Variants in SPTBN5 observed in about 807,000 individuals in gnomAD.
The protein encoded by SPTBN5 is spectrin beta chain, non-erythrocytic 5.
SPTBN5 carries 513 observed loss-of-function variants against 477.6 expected under a neutral mutation model. The ratio of observed to expected loss-of-function variants is 1.07; its 90% CI spans 1.00 to 1.16. The LOEUF is 1.16. Among genes scored for constraint, SPTBN5 ranks in the 50% most tolerant of loss-of-function variants. The pLI, the probability that SPTBN5 is intolerant of heterozygous loss-of-function variation, is 0.00. For synonymous variants in SPTBN5, 2,169 were observed against 2,011.7 expected (o/e 1.08, Z -2.09); for missense variants, 5,062 against 4,731.8 (o/e 1.07, Z -2.05).
At chr15:41,856,354 G>A in intron 53 of SPTBN5, 32 bp downstream of exon 53, 1 of 1,513,568 alleles carries the variant, frequency 6.6e-7, no homozygotes, top group Non-Finnish European at 8.9e-7. Flanking sequence ...TTCCAGGCTT[G>A]CCTGCTGTGC....
In SPTBN5 at chr15:41,862,826, C is replaced by T. The variant is rs369430770; in HGVS notation, c.7227G>A (p.Leu2409=). The part of the protein sequence containing the change: ...VQRLLRKHEE[L]EREVHPIQAQ... ...CCTGGATGGGGTGCACTTCCCGCTC[C>T]AGCTCCTCGTGTTTCCGCAGCAGCC... The change falls in exon 42 of 68, where the codon CTG becomes CTA. Residue 2409 remains leucine, a synonymous_variant. Transcript: ENST00000320955. 87 of 1,586,466 alleles carry T rather than the reference C, an allele frequency of 5.5e-5. No individual in the cohort carries two copies. The East Asian group carries it at 1.9e-3, about 35-fold the overall frequency.
At chr15:41,880,467 C>T (rs1165578598) in intron 13 of SPTBN5, among the ~76,000 whole-genome samples, 155 bp from the exon 14 acceptor site, 1 of 152,200 alleles carries the variant, frequency 6.6e-6, no homozygotes, top group African/African-American at 2.4e-5. Flanking sequence ...GGCCCCACAT[C>T]CTCTCTCAGA....
At position 41,878,588 on chromosome 15, in the gene SPTBN5, C is replaced by T. The variant is rs2140954674; in HGVS notation, c.3224G>A (p.Gly1075Glu). The T allele has an allele frequency of 6.2e-7, 1 of 1,612,764 alleles. No individual in the cohort carries two copies. Among genetic ancestry groups the T allele is most frequent in the Admixed American group, 1.7e-5 (1 of 59,982 alleles). The change falls in exon 17 of 68, where the codon GGA becomes GAA. Residue 1075 changes from glycine (G) to glutamate (E), a missense_variant. Physicochemically the swap from Gly to Glu is moderately conservative, Grantham distance 98. Transcript: ENST00000320955. ...CAGCCCCTGCAGTGTCTCCACCTGT[C>T]CTTGCAGAGGCTGGCTCTCTGCGTA... ...PGYAESQPLQ[G>E]QVETLQGLLK...
chr15:41,878,803 CAAGCCTGT>C (rs1248879345), intron 16 of SPTBN5, among the ~76,000 whole-genome samples, 174 bp from the exon 17 acceptor site: 1 of 152,238 alleles, frequency 6.6e-6, no homozygotes, highest in African/African-American at 2.4e-5. Context: ...TGCAGTGGCT[CAAGCCTGT>C]AATCCCAGCA....
In SPTBN5 at chr15:41,855,612, C is replaced by G. The variant is rs772658500; in HGVS notation, c.9155G>C (p.Ser3052Thr). Residue 3052 changes from serine to threonine, a missense_variant, in exon 54 of 68, where the codon AGC (serine) becomes ACC (threonine). Ser to Thr is a moderately conservative substitution (Grantham distance 58, BLOSUM62 1). Transcript: ENST00000320955. ...EATKRDLEAFSPRIERLQQTA... is the reference protein window; with the variant it reads ...EATKRDLEAFTPRIERLQQTA... ...CTGCTGCAGCCGCTCGATGCGTGGGCTGAACGCTTCCAGGTCTCTCTTGGT... is the reference window on the plus strand; with the variant it reads ...CTGCTGCAGCCGCTCGATGCGTGGGGTGAACGCTTCCAGGTCTCTCTTGGT... 1.2e-6 allele frequency: 2 copies of G among 1,611,316 alleles called. No individual in the cohort carries two copies. The highest frequency in any genetic ancestry group is 1.7e-6 in the Non-Finnish European group (2 of 1,179,698).
At chr15:41,866,698 GTGTGGCCCCTACTCC>G in intron 36 of SPTBN5, 2 of 749,562 alleles carry the variant, frequency 2.7e-6, no homozygotes, top group Non-Finnish European at 4.1e-6. Context: ...CGTTTTGGAG[GTGTGGCCCCTACTCC>G]TGGGGCCCTG....
At chr15:41,862,479 G>T in intron 43 of SPTBN5, 60 bp downstream of exon 43, 2 of 1,559,140 alleles carry the variant, frequency 1.3e-6, no homozygotes, top group Non-Finnish European at 1.7e-6. Flanking sequence ...GCTGAGGGGA[G>T]GTGTGGGGAC....
intron 29 of SPTBN5, among the ~76,000 whole-genome samples, 159 bp downstream of exon 29, chr15:41,871,216 G>A (rs1389851061): frequency 3.3e-5 from 5 of 152,226 alleles, no homozygotes; most frequent in African/African-American, 7.2e-5. Flanking sequence ...AGCCTGTGGC[G>A]GGCTCAGCTT....
chr15:41,866,642 G>T, intron 36 of SPTBN5, 149 bp from the exon 37 acceptor site: 1 of 1,010,124 alleles, frequency 9.9e-7, no homozygotes, highest in Non-Finnish European at 1.4e-6. Context: ...TCCAGCTCCG[G>T]AAGGTTGCTG....
At chr15:41,884,459 A>G (rs2067083905) in intron 7 of SPTBN5, among the ~76,000 whole-genome samples, 1 of 152,022 alleles carries the variant, frequency 6.6e-6, no homozygotes, top group African/African-American at 2.4e-5. Flanking sequence ...GCCACATCTG[A>G]TCTGTCTGCA....
rs113457886 is a variant in SPTBN5, at chr15:41,893,004, G to T, written c.274C>A (p.Arg92=). 1.3e-3 allele frequency: 2,174 copies of T among 1,610,756 alleles called. 30 individuals are homozygous for T. The African/African-American group carries it at 0.026, about 19-fold the overall frequency. Residue 92 remains arginine (R), a synonymous_variant, in exon 3 of 68, where the codon CGG becomes AGG. Transcript: ENST00000320955. ...TELADGIHLL[R]LLELISGEAL... The stretch of plus-strand genomic sequence containing the variant: ...TCCCCTGAGATGAGCTCCAGCAGCC[G>T]CAGGAGGTGGATGCCGTCAGCCAGC...
rs2066863455 is a variant in SPTBN5 at position 41,879,302 on chromosome 15, A to G, written c.3140T>C (p.Val1047Ala). The change falls in exon 16 of 68, where the codon GTG becomes GCG. Residue 1047 changes from valine to alanine, a missense_variant. By Grantham distance (64) the Val-to-Ala change is moderately conservative. Coordinates refer to ENST00000320955, the MANE Select transcript of SPTBN5 (RefSeq NM_016642.4). ...ALQLAQKKTL[V>A]LERRVHFLQS... ...GAGGAAGTGGACCCTCCTCTCCAGC[A>G]CCAGGGTCTTCTTCTGGGCCAGCTG... The G allele has an allele frequency of 6.2e-7, 1 of 1,611,684 alleles. No homozygotes were observed. The highest frequency in any genetic ancestry group is 1.3e-5 in the African/African-American group (1 of 74,890).
chr15:41,863,955 C>T lies in SPTBN5; in HGVS notation c.6988G>A (p.Glu2330Lys). 5 of 1,613,894 alleles carry T rather than the reference C, an allele frequency of 3.1e-6. No homozygotes were observed. The highest frequency in any genetic ancestry group is 4.2e-6 in the Non-Finnish European group (5 of 1,179,896). Residue 2330 changes from glutamate (E) to lysine (K), a missense_variant, in exon 40 of 68, where the codon GAG (glutamate) becomes AAG (lysine). Physicochemically the swap from Glu to Lys is moderately conservative, Grantham distance 56. Transcript: ENST00000320955. Reference sequence around the variant, plus strand: ...CGCTGGCAGATGATCTTGACTTCCTCAGGGTCCCGGTTCTTGAGCTGCAGT... The same window carrying T: ...CGCTGGCAGATGATCTTGACTTCCTTAGGGTCCCGGTTCTTGAGCTGCAGT... ...LSLQLKNRDP[E>K]EVKIICQRRS...
At position 41,856,939 on chromosome 15, in the gene SPTBN5, A is replaced by T; in HGVS notation, c.8722T>A (p.Trp2908Arg). ...GCCAGAGGCAGCTTCTCCTGCACCC[A>T]GGCCATTTCCTCGTCGGCGTCCCTG... is the stretch of plus-strand genomic sequence containing the variant. The part of the protein sequence containing the change: ...FFRDADEEMA[W>R]VQEKLPLAAA... Residue 2908 changes from tryptophan (W) to arginine (R), a missense_variant, in exon 52 of 68, where the codon TGG becomes AGG. By Grantham distance (101) the Trp-to-Arg change is moderately radical (BLOSUM62 -3). Transcript: ENST00000320955. 1.3e-6 allele frequency: 2 copies of T among 1,577,494 alleles called. No individual in the cohort carries two copies. Among genetic ancestry groups the T allele is most frequent in the Non-Finnish European group, 1.7e-6 (2 of 1,162,250 alleles).
intron 32 of SPTBN5, among the ~76,000 whole-genome samples, chr15:41,869,419 A>T (rs929149486): frequency 1.3e-5 from 2 of 152,306 alleles, no homozygotes; most frequent in Non-Finnish European, 1.5e-5. Flanking sequence ...GGGCTCCATG[A>T]GGGCAGCAGT....
At chr15:41,873,715 AT>A in intron 25 of SPTBN5, 107 bp from the exon 26 acceptor site, 1 of 1,449,132 alleles carries the variant, frequency 6.9e-7, no homozygotes, top group Non-Finnish European at 9.4e-7. Flanking sequence ...TTCTGTGCCC[AT>A]AGGGGCACCC....
chr15:41,859,111 A>AATGAAAAG, intron 47 of SPTBN5, 131 bp from the exon 48 acceptor site: 1 of 610,394 alleles, frequency 1.6e-6, no homozygotes. Flanking sequence ...GGTACATTGC[A>AATGAAAAG]CTCCCCCTCT....
intron 17 of SPTBN5, 22 bp downstream of exon 17, chr15:41,878,320 C>G (rs1288404325): frequency 6.2e-7 from 1 of 1,608,076 alleles, no homozygotes; most frequent in African/African-American, 1.3e-5. Flanking sequence ...AAAGTGCACC[C>G]CTTCTGCCCT....
rs1595455861 is a variant in SPTBN5 at position 41,860,452 on chromosome 15, G to A, written c.7988+134C>T. The stretch of plus-strand genomic sequence containing the variant: ...GGGCCAGGGGTGGTGGGGACCCCCG[G>A]CATCTGACCTCAGTCCTTGGACAAG... On this transcript the variant is annotated intron_variant, in intron 47 of 67. Coordinates refer to ENST00000320955, the MANE Select transcript of SPTBN5 (RefSeq NM_016642.4). 7.1e-6 allele frequency: 7 copies of A among 991,380 alleles called. No individual in the cohort carries two copies. In the East Asian group the frequency reaches 2.3e-4, roughly 32 times the overall value. The allele number at this position is 991,380 out of a possible 1,614,324, so 61.4% of individuals were successfully genotyped here.
Sources: allele counts gnomAD v4.1 joint callset (sites outside exome capture counted in the v4.1 genomes callset), GRCh38; gene constraint gnomAD v4.1.1; transcripts MANE v1.5; gene names NCBI Gene and HGNC (gene_info 2026-07-23, HGNC 2026-07-21).